Variants in GFRA1 observed in about 807,000 individuals in gnomAD.
GFRA1 encodes the protein GDNF family receptor alpha 1.
In GFRA1, 16 loss-of-function variants were observed where a neutral mutation model predicts 51.6. That is an observed-to-expected ratio of 0.31 (90% CI 0.21 to 0.47). The LOEUF (loss-of-function observed/expected upper bound fraction) is 0.47. Ranked by LOEUF, GFRA1 falls within the 20% of genes least tolerant of loss-of-function variation. GFRA1 has a pLI of 1.00. For synonymous variants in GFRA1, 270 were observed against 241.3 expected, an observed-to-expected ratio of 1.12 and a Z score of -1.10; for missense variants, 530 against 594.3, an observed-to-expected ratio of 0.89 and a Z score of 1.13.
At chr10:116,113,926 C>T (rs1047189037) in intron 6 of GFRA1, among the ~76,000 whole-genome samples, 2 of 152,196 alleles carry the variant, frequency 1.3e-5, no homozygotes, top group African/African-American at 2.4e-5. Flanking sequence ...CCCGCACCAC[C>T]GTCACCGCCA....
intron 5 of GFRA1, among the ~76,000 whole-genome samples, chr10:116,131,904 G>GAAAAAA (rs71010066): frequency 2.0e-5 from 2 of 100,166 alleles, no homozygotes. Context: ...ATCTCAAAAG[G>GAAAAAA]AAAAAAAAAA....
intron 4 of GFRA1, among the ~76,000 whole-genome samples, chr10:116,266,396 TCATCCTGTTCCTC>T (rs1420806167): frequency 6.6e-6 from 1 of 152,208 alleles, no homozygotes; most frequent in Non-Finnish European, 1.5e-5. Context: ...GCAACATTTA[TCATCCTGTTCCTC>T]CATCCTTTTC....
At chr10:116,068,752 T>C (rs984517271) in intron 9 of GFRA1, among the ~76,000 whole-genome samples, 3 of 152,236 alleles carry the variant, frequency 2.0e-5, no homozygotes. Flanking sequence ...CCCAAGCATT[T>C]CTGAAAACAT....
At chr10:116,178,409 C>T (rs928444727) in intron 5 of GFRA1, among the ~76,000 whole-genome samples, 2 of 152,124 alleles carry the variant, frequency 1.3e-5, no homozygotes, top group Non-Finnish European at 2.9e-5. Context: ...GTCTCTTGGC[C>T]AGATGCCAAG....
chr10:116,079,282 G>A (rs916447000), intron 9 of GFRA1, among the ~76,000 whole-genome samples: 6 of 152,030 alleles, frequency 3.9e-5, no homozygotes, highest in South Asian at 2.1e-4. Flanking sequence ...TGCTTAAGCC[G>A]CCCAGTCTAC....
At chr10:116,254,655 T>TA (rs938515016) in intron 4 of GFRA1, among the ~76,000 whole-genome samples, 1 of 152,208 alleles carries the variant, frequency 6.6e-6, no homozygotes, top group African/African-American at 2.4e-5. Flanking sequence ...GGCTGGGACT[T>TA]AAGTCAGAGG....
At chr10:116,101,522 C>A (rs373560808) in intron 6 of GFRA1, among the ~76,000 whole-genome samples, 1 of 152,042 alleles carries the variant, frequency 6.6e-6, no homozygotes, top group African/African-American at 2.4e-5. Context: ...AAAGGAAGTA[C>A]GCTGCTAATT....
rs752749249 is a variant in GFRA1, at chr10:116,155,638, T to TGGTC, written c.434-30082_434-30081insGACC. 2.9e-3 allele frequency among the ~76,000 whole-genome samples: 437 copies of TGGTC among 152,232 alleles called. 4 individuals are homozygous for TGGTC. Among genetic ancestry groups the TGGTC allele is most frequent in the South Asian group, 0.01 (49 of 4,830 alleles). On this transcript the variant is annotated intron_variant, in intron 5 of 10. Coordinates refer to ENST00000355422, the MANE Select transcript of GFRA1 (RefSeq NM_005264.8). Reference sequence around the variant, plus strand: ...TAAAGCATGGTCAGGTTCAGCAAAATATGGTAACAAAGGCAAAGCTTGGAA... The same window carrying TGGTC: ...TAAAGCATGGTCAGGTTCAGCAAAATGGTCATGGTAACAAAGGCAAAGCTTGGAA...
chr10:116,218,009 T>A (rs1332440155), intron 4 of GFRA1, among the ~76,000 whole-genome samples: 1 of 152,230 alleles, frequency 6.6e-6, no homozygotes, highest in Admixed American at 6.5e-5. Context: ...CTTGTCATCC[T>A]GTAGCTATAT....
At chr10:116,192,157 C>T (rs553230733) in intron 5 of GFRA1, among the ~76,000 whole-genome samples, 28 of 152,284 alleles carry the variant, frequency 1.8e-4, no homozygotes, top group African/African-American at 6.3e-4. Flanking sequence ...GGGCTTTTTG[C>T]CTGCTCTGAT....
chr10:116,257,979 T>A (rs1969005638), intron 4 of GFRA1, among the ~76,000 whole-genome samples: 2 of 152,018 alleles, frequency 1.3e-5, no homozygotes, highest in South Asian at 4.2e-4. Flanking sequence ...CTCACCAAAC[T>A]CCTATCCATT....
chr10:116,128,642 C>T (rs1957972018), intron 5 of GFRA1, among the ~76,000 whole-genome samples: 1 of 144,670 alleles, frequency 6.9e-6, no homozygotes, highest in Non-Finnish European at 1.5e-5. Context: ...AGGAGAATGG[C>T]GTGAACCTGG....
chr10:116,093,424 C>T (rs188463490), intron 8 of GFRA1, among the ~76,000 whole-genome samples: 5 of 152,298 alleles, frequency 3.3e-5, no homozygotes, highest in Admixed American at 3.3e-4. Context: ...ATCTCTTGCT[C>T]TCTCAGGCCT....
intron 5 of GFRA1, among the ~76,000 whole-genome samples, chr10:116,129,254 T>C (rs943970271): frequency 6.6e-6 from 1 of 152,212 alleles, no homozygotes; most frequent in Non-Finnish European, 1.5e-5. Flanking sequence ...TGATATTGCT[T>C]ACGAATACAG....
intron 5 of GFRA1, among the ~76,000 whole-genome samples, chr10:116,132,408 T>A (rs529793662): frequency 1.6e-4 from 25 of 152,282 alleles, no homozygotes; most frequent in Admixed American, 1.4e-3. Context: ...GCTGAGTATA[T>A]ATGCATTAAC....
chr10:116,115,419 G>A (rs1459417872), intron 6 of GFRA1, among the ~76,000 whole-genome samples: 2 of 152,094 alleles, frequency 1.3e-5, no homozygotes, highest in Non-Finnish European at 2.9e-5. Flanking sequence ...CCCAGAGTCA[G>A]GTTCCTGGGG....
At chr10:116,216,902 A>G (rs1242273739) in intron 4 of GFRA1, among the ~76,000 whole-genome samples, 1 of 152,202 alleles carries the variant, frequency 6.6e-6, no homozygotes, top group Admixed American at 6.5e-5. Context: ...ACCAAAGTCA[A>G]TTTCACAATC....
In GFRA1 at chr10:116,059,596, T is replaced by C. The variant is rs952059016; in HGVS notation, c.*4802A>G. ...GCAGGCTGTGGTTCTCTGCAGGCAG[T>C]TTATTGGAATAGGGTTTGTGCGCCT... On this transcript the variant is annotated 3_prime_UTR_variant, in exon 11 of 11. Transcript: ENST00000355422. 7 of 152,226 alleles carry C rather than the reference T, an allele frequency of 4.6e-5. No individual in the cohort carries two copies. Among genetic ancestry groups the C allele is most frequent in the Admixed American group, 4.6e-4 (7 of 15,276 alleles). 9.4% of individuals were successfully genotyped at this position (152,226 alleles called of 1,614,324 possible).
At chr10:116,113,099 G>A (rs1309210225) in intron 6 of GFRA1, among the ~76,000 whole-genome samples, 1 of 151,810 alleles carries the variant, frequency 6.6e-6, no homozygotes, top group Non-Finnish European at 1.5e-5. Context: ...AGACCTTAAT[G>A]ACTTTTCTCT....
Sources: allele counts gnomAD v4.1 joint callset (sites outside exome capture counted in the v4.1 genomes callset), GRCh38; gene constraint gnomAD v4.1.1; transcripts MANE v1.5; gene names NCBI Gene and HGNC (gene_info 2026-07-23, HGNC 2026-07-21).